XRCC4: variants seen among roughly 807,000 people sequenced by gnomAD.
XRCC4 encodes X-ray repair cross complementing 4.
XRCC4 carries 28 observed loss-of-function variants against 39.1 expected under a neutral mutation model. That is an observed-to-expected ratio of 0.72 (90% confidence interval 0.53 to 0.98). XRCC4 has a LOEUF of 0.98. Among genes scored for constraint, XRCC4 ranks in the 50% least tolerant of loss-of-function variants. The pLI is 0.00. For missense variants in XRCC4, 350 were observed against 376.4 expected (o/e 0.93, Z 0.58); for synonymous variants, 123 against 126.4 (o/e 0.97, Z 0.18).
downstream of XRCC4, among the ~76,000 whole-genome samples, chr5:83,356,071 G>A (rs1466583881): frequency 1.3e-5 from 2 of 149,062 alleles, no homozygotes; most frequent in African/African-American, 5.0e-5. Flanking sequence ...TTTATTTGAT[G>A]GCTTATATGC....
intron 7 of XRCC4, among the ~76,000 whole-genome samples, chr5:83,324,910 G>A (rs924550038): frequency 6.6e-6 from 1 of 152,096 alleles, no homozygotes; most frequent in Non-Finnish European, 1.5e-5. Flanking sequence ...GACTTACTGG[G>A]AACTCAGAAG....
At chr5:83,325,018 A>C (rs1366203590) in intron 7 of XRCC4, among the ~76,000 whole-genome samples, 2 of 152,096 alleles carry the variant, frequency 1.3e-5, no homozygotes, top group African/African-American at 4.8e-5. Context: ...GTTCCTTCCT[A>C]GAACAATGTA....
chr5:83,186,940 C>CCTTTTTTTTTTTTTTTTT (rs1750468282), intron 3 of XRCC4, among the ~76,000 whole-genome samples: 1 of 96,828 alleles, frequency 1.0e-5, no homozygotes, highest in African/African-American at 5.5e-5. Flanking sequence ...CTGCTTCTTC[C>CCTTTTTTTTTTTTTTTTT]ATTTTTTTTT....
At chr5:83,147,591 T>A (rs930343759) in intron 3 of XRCC4, among the ~76,000 whole-genome samples, 1 of 152,076 alleles carries the variant, frequency 6.6e-6, no homozygotes, top group Non-Finnish European at 1.5e-5. Context: ...GGTCAAAGGA[T>A]ACACAATTTC....
At chr5:83,150,337 G>A (rs1748645143) in intron 3 of XRCC4, among the ~76,000 whole-genome samples, 1 of 152,128 alleles carries the variant, frequency 6.6e-6, no homozygotes, top group South Asian at 2.1e-4. Context: ...TGAAGTCAGT[G>A]TATTCCTTTT....
intron 3 of XRCC4, among the ~76,000 whole-genome samples, chr5:83,142,373 C>T (rs1402704972): frequency 6.6e-6 from 1 of 152,004 alleles, no homozygotes; most frequent in African/African-American, 2.4e-5. Context: ...AGCCAAATAG[C>T]TAGTGAGTGG....
At chr5:83,261,548 T>C (rs1222646394) in intron 7 of XRCC4, among the ~76,000 whole-genome samples, 3 of 151,726 alleles carry the variant, frequency 2.0e-5, no homozygotes, top group Non-Finnish European at 4.4e-5. Context: ...TCTCTATCTC[T>C]GCAACTCAAG....
chr5:83,116,846 T>C (rs1429468023), intron 3 of XRCC4, among the ~76,000 whole-genome samples: 2 of 152,158 alleles, frequency 1.3e-5, no homozygotes, highest in Non-Finnish European at 2.9e-5. Context: ...GGTCTCGAAC[T>C]CCTGACCTCA....
At chr5:83,284,091 G>A (rs1356325199) in intron 7 of XRCC4, among the ~76,000 whole-genome samples, 1 of 114,194 alleles carries the variant, frequency 8.8e-6, no homozygotes, top group African/African-American at 3.4e-5. Context: ...AATAATTCAT[G>A]ATGAAAGGTA....
intron 3 of XRCC4, among the ~76,000 whole-genome samples, chr5:83,156,775 A>G (rs13171119): frequency 0.072 from 10,898 of 152,210 alleles, 564 homozygotes; most frequent in Non-Finnish European, 0.11. Context: ...GAAGATGCAG[A>G]TGCATAATTT....
At chr5:83,263,967 T>C (rs1373110550) in intron 7 of XRCC4, among the ~76,000 whole-genome samples, 2 of 152,134 alleles carry the variant, frequency 1.3e-5, no homozygotes, top group South Asian at 4.1e-4. Context: ...TCTAGGGTTT[T>C]TATGGTTTTA....
At chr5:83,267,103 G>A (rs1263321315) in intron 7 of XRCC4, among the ~76,000 whole-genome samples, 1 of 152,138 alleles carries the variant, frequency 6.6e-6, no homozygotes, top group Non-Finnish European at 1.5e-5. Flanking sequence ...AGAGGAAAGA[G>A]AGTTGCTAAT....
At chr5:83,202,213 A>T (rs1256015239) in intron 4 of XRCC4, 4 of 152,232 alleles carry the variant, frequency 2.6e-5, no homozygotes, top group Non-Finnish European at 4.4e-5. Context: ...ACCACTGGGA[A>T]AATAAATAAA....
At chr5:83,241,888 A>G (rs958974798) in intron 6 of XRCC4, among the ~76,000 whole-genome samples, 10 of 152,036 alleles carry the variant, frequency 6.6e-5, no homozygotes, top group Admixed American at 4.6e-4. Flanking sequence ...GTGGAAGTGG[A>G]TTCTCAAAAA....
chr5:83,362,691 C>T, the XRCC4 span, among the ~76,000 whole-genome samples: 3 of 152,156 alleles, frequency 2.0e-5, no homozygotes, highest in African/African-American at 7.2e-5. Flanking sequence ...ACCTATCATA[C>T]AAGATACCAG....
chr5:83,296,833 A>G (rs1755112044), intron 7 of XRCC4, among the ~76,000 whole-genome samples: 1 of 151,760 alleles, frequency 6.6e-6, no homozygotes, highest in Admixed American at 6.6e-5. Context: ...AGAGATTACT[A>G]TGACCATTAT....
chr5:83,204,666 T>C, intron 5 of XRCC4, 149 bp from the exon 6 acceptor site: 1 of 494,052 alleles, frequency 2.0e-6, no homozygotes, highest in Non-Finnish European at 3.5e-6. Context: ...GGTTTTAAGA[T>C]GCTTTCATCT....
intron 3 of XRCC4, among the ~76,000 whole-genome samples, chr5:83,173,291 G>A (rs543620829): frequency 2.0e-5 from 3 of 152,160 alleles, no homozygotes; most frequent in Admixed American, 6.5e-5. Flanking sequence ...AATGTTTTAC[G>A]CTGCTACTAT....
At chr5:83,099,933 A>G (rs1323495665) in intron 1 of XRCC4, among the ~76,000 whole-genome samples, 2 of 152,188 alleles carry the variant, frequency 1.3e-5, no homozygotes, top group Admixed American at 1.3e-4. Context: ...ACTGAATCTT[A>G]AAAGACATTC....
Sources: allele counts gnomAD v4.1 joint callset (sites outside exome capture counted in the v4.1 genomes callset), GRCh38; gene constraint gnomAD v4.1.1; transcripts MANE v1.5; gene names NCBI Gene and HGNC (gene_info 2026-07-23, HGNC 2026-07-21).